Variants in CLDN11 observed in about 807,000 individuals in gnomAD.
The protein encoded by CLDN11 is claudin 11.
Under a neutral mutation model 18.0 loss-of-function variants are expected in CLDN11, and 1 was observed. The observed-to-expected ratio is 0.06, with a 90% confidence interval of 0.02 to 0.26. The LOEUF is 0.26. CLDN11 is among the 10% of genes least tolerant of loss of function. The pLI is 1.00. For missense variants in CLDN11, 172 were observed against 276.6 expected, an observed-to-expected ratio of 0.62 and a Z score of 2.68; for synonymous variants, 116 against 121.5, an observed-to-expected ratio of 0.96 and a Z score of 0.30.
At chr3:170,422,046 A>G (rs1738737189) in intron 1 of CLDN11, among the ~76,000 whole-genome samples, 1 of 152,180 alleles carries the variant, frequency 6.6e-6, no homozygotes, top group South Asian at 2.1e-4. Flanking sequence ...AATGATGGAC[A>G]GTTGGGGAAG....
chr3:170,422,283 A>G (rs865834585), intron 1 of CLDN11, among the ~76,000 whole-genome samples: 1 of 152,152 alleles, frequency 6.6e-6, no homozygotes, highest in African/African-American at 2.4e-5. Flanking sequence ...AAGAACACCA[A>G]TGATAACAAC....
intron 2 of CLDN11, among the ~76,000 whole-genome samples, chr3:170,427,126 TC>T (rs1738874856): frequency 6.6e-6 from 1 of 152,164 alleles, no homozygotes; most frequent in South Asian, 2.1e-4. Context: ...GAACCCAACC[TC>T]CTCAACAGTG....
At chr3:170,432,289 T>C (rs928997657) in intron 2 of CLDN11, among the ~76,000 whole-genome samples, 2 of 152,222 alleles carry the variant, frequency 1.3e-5, no homozygotes, top group Non-Finnish European at 1.5e-5. Flanking sequence ...GTTTTTACAC[T>C]GGAATTGTTT....
In CLDN11 at chr3:170,434,249, T is replaced by G. The variant is rs1269467462; in HGVS notation, c.*1493T>G. On this transcript the variant is annotated 3_prime_UTR_variant, in exon 3 of 3. Transcript: ENST00000064724. ...CTTGAATAATTAAAAAGTTATATTT[T>G]ATTCACGGTATTGCAGTGGTAATTT... The G allele has an allele frequency of 6.6e-6, 1 of 152,582 alleles. No individual in the cohort carries two copies. The highest frequency in any genetic ancestry group is 1.5e-5 in the Non-Finnish European group (1 of 68,052). The allele number at this position is 152,582 out of a possible 1,614,324, so 9.5% of individuals were successfully genotyped here.
At position 170,423,343 on chromosome 3, in the gene CLDN11, C is replaced by G. The variant is rs376389468; in HGVS notation, c.391+16C>G. The G allele has an allele frequency of 6.2e-7, 1 of 1,613,608 alleles. No homozygotes were observed. Among genetic ancestry groups the G allele is most frequent in the African/African-American group, 1.3e-5 (1 of 75,018 alleles). ...ATTCTGCTGGGTAAGACAGCTTTCT[C>G]AGTGGTACCCTACCTATGAGGGAGC... On this transcript the variant is annotated intron_variant, in intron 2 of 2. Transcript: ENST00000064724.
chr3:170,427,417 T>A (rs540982761), intron 2 of CLDN11, among the ~76,000 whole-genome samples: 9 of 151,692 alleles, frequency 5.9e-5, no homozygotes, highest in African/African-American at 2.2e-4. Context: ...AGGTTGGGAG[T>A]TCGAAACCAG....
Position 170,423,445 on chromosome 3 carries a change from TG to T in CLDN11, c.391+123del, listed in dbSNP as rs1352793194. The T allele has an allele frequency of 7.4e-6, 8 of 1,086,700 alleles. No individual in the cohort carries two copies. In the East Asian group the frequency reaches 2.0e-4, roughly 27 times the overall value. The allele number at this position is 1,086,700 out of a possible 1,614,324, so 67.3% of individuals were successfully genotyped here. On this transcript the variant is annotated intron_variant, in intron 2 of 2. Transcript: ENST00000064724. ...GTGAAAGGAAGCCAAGTGAAGCCAG[TG>T]GGGGATGGACTCCCACAATCTGTAT...
At position 170,418,919 on chromosome 3, in the gene CLDN11, G is replaced by A; in HGVS notation, c.-148G>A. ...TTCGCCGCTGAGCTCGCAGCCTCCG[G>A]CGCCCACCTCCACCTCCAGTGTCCC... is the stretch of plus-strand genomic sequence containing the variant. On this transcript the variant is annotated 5_prime_UTR_variant, in exon 1 of 3. Transcript: ENST00000064724. This position sits in a 1 kb window ranked among gnomAD's most constrained non-coding sequence, Gnocchi z 4.3. 1.6e-6 allele frequency: 1 copy of A among 615,784 alleles called. No homozygotes were observed. The highest frequency in any genetic ancestry group is 2.0e-5 in the South Asian group (1 of 48,962). 38.1% of individuals were successfully genotyped at this position (615,784 alleles called of 1,614,324 possible).
chr3:170,421,415 T>G (rs1738722187), intron 1 of CLDN11: 2 of 308,476 alleles, frequency 6.5e-6, no homozygotes, highest in Non-Finnish European at 9.5e-6. Context: ...TGGAGCTCCT[T>G]TCTGGAGATC....
rs1280068425 is a variant in CLDN11 at position 170,433,826 on chromosome 3, T to C, written c.*1070T>C. 4 of 152,666 alleles carry C rather than the reference T, an allele frequency of 2.6e-5. No homozygotes were observed. The highest frequency in any genetic ancestry group is 7.2e-5 in the African/African-American group (3 of 41,460). 9.5% of individuals were successfully genotyped at this position (152,666 alleles called of 1,614,324 possible). ...CTGATGTTCCACAAAACATTTTTGATTTCAGGTTTGTATGATGTAGTTTTT... is the reference window on the plus strand; with the variant it reads ...CTGATGTTCCACAAAACATTTTTGACTTCAGGTTTGTATGATGTAGTTTTT... On this transcript the variant is annotated 3_prime_UTR_variant, in exon 3 of 3. Transcript: ENST00000064724.
rs1041494305 is a variant in CLDN11 at position 170,424,934 on chromosome 3, TGTGTGTGC to T, written c.391+1609_391+1616del. On this transcript the variant is annotated intron_variant, in intron 2 of 2. Transcript: ENST00000064724. The stretch of plus-strand genomic sequence containing the variant: ...CCACAAGGGTGTGTGTGTGTGTGTG[TGTGTGTGC>T]GCGCGTGTGTGTGTGTTAACAGGAG... Among the ~76,000 whole-genome samples, 32 of 49,252 alleles carry T rather than the reference TGTGTGTGC, an allele frequency of 6.5e-4. 1 individual carries two copies. Among genetic ancestry groups the T allele is most frequent in the East Asian group, 2.6e-3 (3 of 1,174 alleles). 32.3% of individuals were successfully genotyped at this position (49,252 alleles called of 152,430 possible). A position where few individuals can be genotyped will look rare whatever the true frequency, so the allele number is the denominator to read the frequency against.
chr3:170,419,876 G>A lies in CLDN11; in HGVS notation c.226+584G>A, dbSNP rs1429913865. Among the ~76,000 whole-genome samples, 1 of 152,260 alleles carries A rather than the reference G, an allele frequency of 6.6e-6. No individual in the cohort carries two copies. The highest frequency in any genetic ancestry group is 1.5e-5 in the Non-Finnish European group (1 of 68,042). Reference sequence around the variant, plus strand: ...GGGCTCTCTGGGCTGCCTGGTTTGGGAAATGTCACGTTGATTCCCGCACGT... The same window carrying A: ...GGGCTCTCTGGGCTGCCTGGTTTGGAAAATGTCACGTTGATTCCCGCACGT... On this transcript the variant is annotated intron_variant, in intron 1 of 2. Transcript: ENST00000064724. This position sits in a 1 kb window ranked among gnomAD's most constrained non-coding sequence, Gnocchi z 8.6.
Position 170,432,668 on chromosome 3 carries a change from C to G in CLDN11, c.536C>G (p.Ala179Gly). The G allele has an allele frequency of 6.2e-7, 1 of 1,614,218 alleles. No homozygotes were observed. Among genetic ancestry groups the G allele is most frequent in the Admixed American group, 1.7e-5 (1 of 60,034 alleles). The part of the protein sequence containing the change: ...LVGGCVILCC[A>G]GDAQAFGENR... ...GGTGGCTGTGTCATCCTCTGCTGCG[C>G]TGGAGATGCCCAGGCCTTTGGTGAA... Residue 179 changes from alanine to glycine, a missense_variant, in exon 3 of 3, where the codon GCT becomes GGT. Coordinates refer to ENST00000064724, the MANE Select transcript of CLDN11 (RefSeq NM_005602.6).
At chr3:170,422,070 C>CT (rs1560233516) in intron 1 of CLDN11, among the ~76,000 whole-genome samples, 1 of 152,136 alleles carries the variant, frequency 6.6e-6, no homozygotes, top group Non-Finnish European at 1.5e-5. Context: ...GCCCAGGGCA[C>CT]TGTGGGTGAG....
intron 2 of CLDN11, among the ~76,000 whole-genome samples, chr3:170,428,160 T>C (rs1738907984): frequency 6.8e-6 from 1 of 147,494 alleles, no homozygotes; most frequent in African/African-American, 2.5e-5. Context: ...AAAAAAAAGA[T>C]TTATTGGAAG....
intron 1 of CLDN11, chr3:170,421,122 T>TC (rs1241205288): frequency 3.6e-5 from 5 of 138,884 alleles, no homozygotes; most frequent in African/African-American, 1.4e-4. Flanking sequence ...ACAAAGGCTG[T>TC]CCTCCAGAGG....
chr3:170,423,587 A>C (rs1395228067), intron 2 of CLDN11: 1 of 457,806 alleles, frequency 2.2e-6, no homozygotes, highest in African/African-American at 1.9e-5. Flanking sequence ...GAAATACCTA[A>C]GGGAAAGACC....
At chr3:170,427,002 G>A (rs997397125) in intron 2 of CLDN11, among the ~76,000 whole-genome samples, 6 of 152,150 alleles carry the variant, frequency 3.9e-5, no homozygotes, top group East Asian at 1.9e-4. Context: ...GGCTGGTCTC[G>A]AACTCCTGAG....
rs983238139 is a variant in CLDN11, at chr3:170,434,619, C to T, written c.*1863C>T. Among the ~76,000 whole-genome samples the T allele has an allele frequency of 1.3e-5, 2 of 152,120 alleles. No individual in the cohort carries two copies. Among genetic ancestry groups the T allele is most frequent in the Non-Finnish European group, 2.9e-5 (2 of 68,012 alleles). On this transcript the variant is annotated 3_prime_UTR_variant, in exon 3 of 3. Transcript: ENST00000064724. ...AACTTCATCAAGTTACGGGCCTGGT[C>T]TAAGAAAACACATTGCAATCTATTT... is the stretch of plus-strand genomic sequence containing the variant.
Sources: gnomAD v4.1 joint callset for allele counts (sites outside exome capture counted in the v4.1 genomes callset) on GRCh38, gnomAD v4.1.1 for gene constraint, Gnocchi (gnomAD v3.1) non-coding constraint, MANE v1.5 for transcripts, NCBI Gene and HGNC (gene_info 2026-07-23, HGNC 2026-07-21) for gene names.